The following LRIG2 variants were observed in gnomAD, a reference collection of about 807,000 sequenced individuals.
LRIG2 encodes the protein leucine rich repeats and immunoglobulin like domains 2, also known as leucine-rich repeats and immunoglobulin-like domains protein 2.
In LRIG2, 93 loss-of-function variants were observed where a neutral mutation model predicts 107.8. The observed-to-expected ratio is 0.86, with a 90% confidence interval of 0.73 to 1.03. LRIG2 has a LOEUF of 1.03. Among genes scored for constraint, LRIG2 ranks in the 50% least tolerant of loss-of-function variants. The probability of loss-of-function intolerance (pLI) is 0.00; values close to 1 mark genes in which losing one functional copy is unlikely to be tolerated. For missense variants in LRIG2, 1,226 were observed against 1,296.0 expected, an observed-to-expected ratio of 0.95 and a Z score of 0.83; for synonymous variants, 471 against 470.6, an observed-to-expected ratio of 1.00 and a Z score of -0.01.
Position 113,073,258 on chromosome 1 carries a change from T to A in LRIG2, c.-149T>A. 1 of 693,854 alleles carries A rather than the reference T, an allele frequency of 1.4e-6. No homozygotes were observed. Among genetic ancestry groups the A allele is most frequent in the Non-Finnish European group, 2.5e-6 (1 of 397,696 alleles). The allele number at this position is 693,854 out of a possible 1,614,324, so 43.0% of individuals were successfully genotyped here. On this transcript the variant is annotated 5_prime_UTR_variant, in exon 1 of 18. Transcript: ENST00000361127. ...CCGTCGACCCCGCTGTCGCGCTGCG[T>A]CTGCTCCTTGCATGCCTTTAGATGG...
rs1278724910 is a variant in LRIG2 at position 113,073,368 on chromosome 1, A to G, written c.-39A>G. On this transcript the variant is annotated 5_prime_UTR_variant, in exon 1 of 18. Transcript: ENST00000361127. ...TCTCCGCCGATCCTCCTTTTCTAGC[A>G]GGCAGCTCTTCTAGGCCACGTCCAG... The G allele has an allele frequency of 6.6e-7, 1 of 1,522,610 alleles. No homozygotes were observed. Among genetic ancestry groups the G allele is most frequent in the Non-Finnish European group, 9.1e-7 (1 of 1,101,994 alleles). The allele number at this position is 1,522,610 out of a possible 1,614,324, so 94.3% of individuals were successfully genotyped here. A position where few individuals can be genotyped will look rare whatever the true frequency, so the allele number is the denominator to read the frequency against.
Position 113,124,306 on chromosome 1 carries a change from A to C in LRIG2, c.*205A>C. 1 of 590,716 alleles carries C rather than the reference A, an allele frequency of 1.7e-6. No homozygotes were observed. The highest frequency in any genetic ancestry group is 3.0e-6 in the Non-Finnish European group (1 of 332,264). 36.6% of individuals were successfully genotyped at this position (590,716 alleles called of 1,614,324 possible). A position where few individuals can be genotyped will look rare whatever the true frequency, so the allele number is the denominator to read the frequency against. ...CAGCTGACAGAAATGGGTACAGCTC[A>C]TCAAAAATGTGCAGCACCGGCAGAG... On this transcript the variant is annotated 3_prime_UTR_variant, in exon 18 of 18. Transcript: ENST00000361127.
intron 8 of LRIG2, among the ~76,000 whole-genome samples, chr1:113,097,778 A>T (rs915412037): frequency 1.3e-5 from 2 of 152,168 alleles, no homozygotes; most frequent in African/African-American, 2.4e-5. Context: ...GCCAGGGTAG[A>T]TACAGTTCTT....
At chr1:113,106,099 GCA>G (rs1298373101) in intron 11 of LRIG2, among the ~76,000 whole-genome samples, 2 of 152,048 alleles carry the variant, frequency 1.3e-5, no homozygotes, top group Non-Finnish European at 2.9e-5. Flanking sequence ...ATGGTGGCAC[GCA>G]CCTGTAGTCC....
intron 11 of LRIG2, among the ~76,000 whole-genome samples, chr1:113,105,297 G>A (rs113079403): frequency 0.017 from 2,629 of 152,236 alleles, 65 homozygotes; most frequent in African/African-American, 0.06. Flanking sequence ...ACTTAACAGA[G>A]TATACGGTAT....
intron 12 of LRIG2, among the ~76,000 whole-genome samples, chr1:113,108,619 G>A (rs553510325): frequency 6.6e-6 from 1 of 151,412 alleles, no homozygotes; most frequent in Non-Finnish European, 1.5e-5. Context: ...GCTCACACCT[G>A]TAATCCCAGC....
intron 11 of LRIG2, among the ~76,000 whole-genome samples, chr1:113,101,258 AG>A (rs1654296887): frequency 2.0e-5 from 3 of 152,078 alleles, no homozygotes. Flanking sequence ...TAGTAGAGAC[AG>A]GGTTTCGCCA....
In LRIG2 at chr1:113,073,220, C is replaced by A; in HGVS notation, c.-187C>A. On this transcript the variant is annotated 5_prime_UTR_variant, in exon 1 of 18. Coordinates refer to ENST00000361127, the MANE Select transcript of LRIG2 (RefSeq NM_014813.3). ...GGCGGACGAGAGGTGTCCGTCAGGCCGTGTGTCCCAGGCCGTCGACCCCGC... is the reference window on the plus strand; with the variant it reads ...GGCGGACGAGAGGTGTCCGTCAGGCAGTGTGTCCCAGGCCGTCGACCCCGC... 1.7e-6 allele frequency: 1 copy of A among 600,432 alleles called. No individual in the cohort carries two copies. Among genetic ancestry groups the A allele is most frequent in the Non-Finnish European group, 3.0e-6 (1 of 336,204 alleles). 37.2% of individuals were successfully genotyped at this position (600,432 alleles called of 1,614,324 possible).
At chr1:113,100,189 G>C (rs1654245479) in intron 9 of LRIG2, 22 bp from the exon 10 acceptor site, 4 of 1,438,528 alleles carry the variant, frequency 2.8e-6, no homozygotes, top group Non-Finnish European at 3.8e-6. Context: ...AGCTTTCTTA[G>C]AAAGATCTGT....
intron 1 of LRIG2, among the ~76,000 whole-genome samples, chr1:113,090,006 T>C (rs990387582): frequency 1.3e-5 from 2 of 151,646 alleles, no homozygotes; most frequent in African/African-American, 4.8e-5. Flanking sequence ...TTTTTTTTTT[T>C]AAAGGAAGAC....
Position 113,110,517 on chromosome 1 carries a change from C to T in LRIG2, c.1753C>T (p.His585Tyr). The T allele has an allele frequency of 2.5e-6, 4 of 1,612,266 alleles. No homozygotes were observed. In the African/African-American group the frequency reaches 4.0e-5, roughly 16 times the overall value. The change falls in exon 13 of 18, where the codon CAC (histidine) becomes TAC (tyrosine). Residue 585 changes from histidine to tyrosine, a missense_variant. By Grantham distance (83) the His-to-Tyr change is moderately conservative. This residue lies in a region of LRIG2 where 642 missense variants were observed against 712.2 expected (regional missense o/e 0.90). Coordinates refer to ENST00000361127, the MANE Select transcript of LRIG2 (RefSeq NM_014813.3). ...EGKYQCIVTNHFGSNYSQKAK... is the reference protein window; with the variant it reads ...EGKYQCIVTNYFGSNYSQKAK... ...AAAATATCAGTGTATTGTTACTAAT[C>T]ACTTTGGTTCTAATTATTCTCAGAA...
intron 7 of LRIG2, 22 bp downstream of exon 7, chr1:113,096,039 A>G: frequency 6.2e-7 from 1 of 1,613,970 alleles, no homozygotes. Flanking sequence ...ATAGCATTTC[A>G]CTGGAGGCAG....
At chr1:113,100,788 T>G (rs1654275054) in intron 11 of LRIG2, 1 of 209,146 alleles carries the variant, frequency 4.8e-6, no homozygotes, top group Non-Finnish European at 9.7e-6. Flanking sequence ...CCTTTTTGGA[T>G]TATCAGAAAC....
Position 113,128,532 on chromosome 1 carries a change from G to T in LRIG2, c.*4431G>T, listed in dbSNP as rs1655574658. The T allele has an allele frequency of 6.6e-6, 1 of 152,176 alleles. No individual in the cohort carries two copies. The highest frequency in any genetic ancestry group is 1.5e-5 in the Non-Finnish European group (1 of 68,044). 9.4% of individuals were successfully genotyped at this position (152,176 alleles called of 1,614,324 possible). A position where few individuals can be genotyped will look rare whatever the true frequency, so the allele number is the denominator to read the frequency against. ...TATGAATCTGTAATTCCCTCGAGGA[G>T]CTAAGGAGGATTATGCTACTTTAAT... On this transcript the variant is annotated 3_prime_UTR_variant, in exon 18 of 18. Coordinates refer to ENST00000361127, the MANE Select transcript of LRIG2 (RefSeq NM_014813.3).
chr1:113,132,077 C>T lies in LRIG2; in HGVS notation c.*7976C>T, dbSNP rs1655718158. On this transcript the variant is annotated 3_prime_UTR_variant, in exon 18 of 18. Coordinates refer to ENST00000361127, the MANE Select transcript of LRIG2 (RefSeq NM_014813.3). ...TTTTCCCCTATTGGATAATACTAGT[C>T]TGAGCAGCCCTAATACTAGATGTAC... 6.6e-6 allele frequency: 1 copy of T among 151,678 alleles called. No homozygotes were observed. Among genetic ancestry groups the T allele is most frequent in the Non-Finnish European group, 1.5e-5 (1 of 67,994 alleles). The allele number at this position is 151,678 out of a possible 1,614,324, so 9.4% of individuals were successfully genotyped here.
chr1:113,112,996 G>A (rs1197238733), intron 14 of LRIG2, among the ~76,000 whole-genome samples: 7 of 152,124 alleles, frequency 4.6e-5, no homozygotes, highest in Admixed American at 4.6e-4. Flanking sequence ...ATAATTGAAA[G>A]TTCAAATTCC....
In LRIG2 at chr1:113,116,352, C is replaced by CA; in HGVS notation, c.2597dup (p.Glu867GlyfsTer7). The CA allele has an allele frequency of 3.7e-6, 6 of 1,614,038 alleles. No individual in the cohort carries two copies. The highest frequency in any genetic ancestry group is 5.1e-6 in the Non-Finnish European group (6 of 1,179,950). On this transcript the variant is annotated frameshift_variant, in exon 16 of 18. Transcript: ENST00000361127. LOFTEE classifies it high-confidence loss of function. Reference sequence around the variant, plus strand: ...TTCCCAAGGAACGCTGTCTGAGCCACAGGAAGGCTACAGCAACTCTGAGGC... The same window carrying CA: ...TTCCCAAGGAACGCTGTCTGAGCCACAAGGAAGGCTACAGCAACTCTGAGGC...
chr1:113,115,277 C>G (rs767973947), intron 15 of LRIG2, among the ~76,000 whole-genome samples: 1 of 152,144 alleles, frequency 6.6e-6, no homozygotes, highest in African/African-American at 2.4e-5. Flanking sequence ...TGTATCGGTA[C>G]ATTCATGGCT....
chr1:113,099,883 A>G (rs1654233972), intron 9 of LRIG2, among the ~76,000 whole-genome samples: 1 of 152,190 alleles, frequency 6.6e-6, no homozygotes, highest in East Asian at 1.9e-4. Context: ...GAGGAATATA[A>G]TGAATTTAAC....
Sources: allele counts gnomAD v4.1 joint callset (sites outside exome capture counted in the v4.1 genomes callset), GRCh38; gene constraint gnomAD v4.1.1; regional missense constraint gnomAD v4.1.1; transcripts MANE v1.5; gene names NCBI Gene and HGNC (gene_info 2026-07-23, HGNC 2026-07-21).